The following ATXN1 variants were observed in gnomAD, a reference collection of about 807,000 sequenced individuals.
ATXN1 encodes the protein ataxin 1, also known as ataxin-1.
Under a neutral mutation model 56.4 loss-of-function variants are expected in ATXN1, and 8 were observed. The ratio of observed to expected loss-of-function variants is 0.14; its 90% CI spans 0.08 to 0.26. ATXN1 has a LOEUF of 0.26. Ranked by LOEUF, ATXN1 falls within the 10% of genes least tolerant of loss-of-function variation. The pLI is 1.00. For missense variants in ATXN1, 987 were observed against 1,106.5 expected (o/e 0.89, Z 1.53); for synonymous variants, 514 against 494.6 (o/e 1.04, Z -0.52).
intron 3 of ATXN1, among the ~76,000 whole-genome samples, chr6:16,626,759 A>T (rs1763414251): frequency 6.6e-6 from 1 of 152,200 alleles, no homozygotes; most frequent in African/African-American, 2.4e-5. Flanking sequence ...TTGAGAGGTA[A>T]TTAAAACAAA....
chr6:16,526,670 C>T (rs1761400567), intron 4 of ATXN1, among the ~76,000 whole-genome samples: 1 of 150,022 alleles, frequency 6.7e-6, no homozygotes, highest in Non-Finnish European at 1.5e-5. Flanking sequence ...GAGGCTGAGG[C>T]AGGAGGATCA....
chr6:16,532,327 T>C (rs1761520330), intron 4 of ATXN1, among the ~76,000 whole-genome samples: 1 of 152,178 alleles, frequency 6.6e-6, no homozygotes, highest in South Asian at 2.1e-4. Flanking sequence ...CTGAACCTCG[T>C]CCATGATAAG....
chr6:16,533,372 C>T (rs2113708642), intron 4 of ATXN1, among the ~76,000 whole-genome samples: 1 of 152,224 alleles, frequency 6.6e-6, no homozygotes, highest in South Asian at 2.1e-4. Context: ...TGAACTGTGA[C>T]CTCGTTTGAG....
intron 2 of ATXN1, among the ~76,000 whole-genome samples, chr6:16,741,086 C>T (rs1760325047): frequency 6.6e-6 from 1 of 152,182 alleles, no homozygotes; most frequent in Non-Finnish European, 1.5e-5. Context: ...ATCAGGTTTA[C>T]AGCACAGGCT....
At chr6:16,402,106 G>A (rs1230315910) in intron 6 of ATXN1, among the ~76,000 whole-genome samples, 1 of 152,060 alleles carries the variant, frequency 6.6e-6, no homozygotes, top group Non-Finnish European at 1.5e-5. Flanking sequence ...TGCCCCCCAT[G>A]ATTCAATACC....
At position 16,404,790 on chromosome 6, in the gene ATXN1, C is replaced by T. The variant is rs1230044128; in HGVS notation, c.-160-76320G>A. On this transcript the variant is annotated intron_variant, in intron 6 of 7. Coordinates refer to ENST00000436367, the MANE Select transcript of ATXN1 (RefSeq NM_001128164.2). ...TGTTCCCTCTTTAGTGGCCGGATCT[C>T]AGCCTGGGAGTCCGACTGAGAGCAA... Among the ~76,000 whole-genome samples the T allele has an allele frequency of 3.9e-5, 6 of 152,146 alleles. No individual in the cohort carries two copies. The East Asian group carries it at 7.7e-4, about 20-fold the overall frequency.
intron 5 of ATXN1, among the ~76,000 whole-genome samples, chr6:16,517,092 A>T (rs1761197400): frequency 6.6e-6 from 1 of 152,274 alleles, no homozygotes; most frequent in South Asian, 2.1e-4. Context: ...AATTAAGTGC[A>T]ATGGCTACAA....
At chr6:16,480,075 C>T (rs1760403885) in intron 6 of ATXN1, among the ~76,000 whole-genome samples, 1 of 145,944 alleles carries the variant, frequency 6.9e-6, no homozygotes, top group Non-Finnish European at 1.5e-5. Flanking sequence ...TCGCTTGAAC[C>T]CAGAAGGTGG....
intron 5 of ATXN1, among the ~76,000 whole-genome samples, chr6:16,517,669 A>C (rs1761210790): frequency 6.6e-6 from 1 of 152,214 alleles, no homozygotes; most frequent in South Asian, 2.1e-4. Flanking sequence ...AGCCAGAGAG[A>C]GAGAGAACAC....
intron 6 of ATXN1, among the ~76,000 whole-genome samples, chr6:16,352,611 C>T (rs371775052): frequency 6.6e-6 from 1 of 152,096 alleles, no homozygotes. Context: ...CAGCAAGGCA[C>T]ATCGAGGGCT....
chr6:16,418,961 C>T, intron 6 of ATXN1, among the ~76,000 whole-genome samples: 1 of 152,094 alleles, frequency 6.6e-6, no homozygotes, highest in East Asian at 1.9e-4. Context: ...CCCACAGATG[C>T]TTCCCTGGTT....
chr6:16,530,894 TTATACATAA>T (rs1246259577), intron 4 of ATXN1, among the ~76,000 whole-genome samples: 1 of 152,228 alleles, frequency 6.6e-6, no homozygotes, highest in Non-Finnish European at 1.5e-5. Context: ...TCAATGCTTA[TTATACATAA>T]TTTTTTAAGT....
intron 6 of ATXN1, among the ~76,000 whole-genome samples, chr6:16,342,158 C>T (rs1183600717): frequency 1.3e-5 from 2 of 151,526 alleles, no homozygotes; most frequent in African/African-American, 4.9e-5. Context: ...GCTGGGATTA[C>T]AGGCGTGAGC....
chr6:16,354,341 T>C (rs574315368), intron 6 of ATXN1, among the ~76,000 whole-genome samples: 1 of 152,166 alleles, frequency 6.6e-6, no homozygotes, highest in South Asian at 2.1e-4. Flanking sequence ...CACTGCAACC[T>C]CTGCCTCCTG....
At position 16,579,907 on chromosome 6, in the gene ATXN1, A is replaced by G. The variant is rs149047518; in HGVS notation, c.-361+5873T>C. ...GAAGAGAAAACAAGAGGGACAGCAT[A>G]TAATTGCCAACTCAAAAAAAAACTA... On this transcript the variant is annotated intron_variant, in intron 4 of 7. Transcript: ENST00000436367. Among the ~76,000 whole-genome samples the G allele has an allele frequency of 5.0e-3, 764 of 152,282 alleles. 7 individuals are homozygous for G. Among genetic ancestry groups the G allele is most frequent in the Non-Finnish European group, 4.3e-3 (294 of 68,020 alleles).
chr6:16,718,606 A>C (rs1759684703), intron 2 of ATXN1, among the ~76,000 whole-genome samples: 1 of 152,240 alleles, frequency 6.6e-6, no homozygotes, highest in African/African-American at 2.4e-5. Flanking sequence ...ACACCATCCA[A>C]CTAGGAATTA....
intron 6 of ATXN1, among the ~76,000 whole-genome samples, chr6:16,461,464 G>T (rs987413696): frequency 1.3e-5 from 2 of 152,150 alleles, no homozygotes; most frequent in Non-Finnish European, 2.9e-5. Flanking sequence ...TGTGCCAAAG[G>T]AAAAATCTCT....
At chr6:16,624,029 A>G (rs1466447912) in intron 3 of ATXN1, among the ~76,000 whole-genome samples, 1 of 152,162 alleles carries the variant, frequency 6.6e-6, no homozygotes, top group African/African-American at 2.4e-5. Context: ...TTGCTATTTA[A>G]TGGGTAGAAT....
chr6:16,395,069 C>T (rs1466333976), intron 6 of ATXN1, among the ~76,000 whole-genome samples: 4 of 151,802 alleles, frequency 2.6e-5, no homozygotes, highest in South Asian at 2.1e-4. Context: ...TCGGGGAGTT[C>T]GAGACCAGTC....
Sources: gnomAD v4.1 joint callset for allele counts (sites outside exome capture counted in the v4.1 genomes callset) on GRCh38, gnomAD v4.1.1 for gene constraint, MANE v1.5 for transcripts, NCBI Gene and HGNC (gene_info 2026-07-23, HGNC 2026-07-21) for gene names.